The following ABAT variants were observed in gnomAD, a reference collection of about 807,000 sequenced individuals.
The protein encoded by ABAT is 4-aminobutyrate aminotransferase.
A neutral mutation model predicts 64.6 loss-of-function variants in ABAT; 45 were observed. The observed-to-expected ratio is 0.70, with a 90% confidence interval of 0.55 to 0.89. The LOEUF (loss-of-function observed/expected upper bound fraction) is 0.89. Among genes scored for constraint, ABAT ranks in the 40% least tolerant of loss-of-function variants. ABAT has a pLI of 0.00. For synonymous variants in ABAT, 297 were observed against 250.5 expected (o/e 1.19, Z -1.75); for missense variants, 633 against 658.4 (o/e 0.96, Z 0.42).
At chr16:8,681,755 C>T (rs1596396320) in intron 1 of ABAT, among the ~76,000 whole-genome samples, 2 of 151,684 alleles carry the variant, frequency 1.3e-5, no homozygotes, top group Non-Finnish European at 2.9e-5. Flanking sequence ...GATTCTCCTG[C>T]CTCAGCATCC....
chr16:8,742,349 C>T (rs959190205), intron 2 of ABAT, among the ~76,000 whole-genome samples: 1 of 152,172 alleles, frequency 6.6e-6, no homozygotes, highest in African/African-American at 2.4e-5. Flanking sequence ...AATGCAATGT[C>T]AAGACACTTT....
intron 1 of ABAT, among the ~76,000 whole-genome samples, chr16:8,687,769 T>G (rs531353363): frequency 7.9e-5 from 12 of 152,300 alleles, no homozygotes; most frequent in African/African-American, 2.9e-4. Flanking sequence ...GCTCCCTGAG[T>G]GCCCGGGAGC....
chr16:8,715,553 G>A (rs1042144102), intron 1 of ABAT: 5 of 146,960 alleles, frequency 3.4e-5, no homozygotes, highest in African/African-American at 1.3e-4. Context: ...CTGAGCCCAA[G>A]AGTTCGAGGC....
intron 6 of ABAT, among the ~76,000 whole-genome samples, chr16:8,759,929 C>T (rs1457454303): frequency 1.3e-5 from 2 of 152,156 alleles, no homozygotes; most frequent in African/African-American, 4.8e-5. Flanking sequence ...TTCAAAATTA[C>T]GTCTGGGTGA....
At chr16:8,709,781 T>C (rs1359593466) in intron 1 of ABAT, among the ~76,000 whole-genome samples, 8 of 151,786 alleles carry the variant, frequency 5.3e-5, no homozygotes, top group Admixed American at 3.9e-4. Context: ...TAGGGGCTTA[T>C]CAGGGTAGCA....
chr16:8,731,931 G>A (rs573886362), intron 1 of ABAT, among the ~76,000 whole-genome samples: 1 of 152,108 alleles, frequency 6.6e-6, no homozygotes, highest in African/African-American at 2.4e-5. Flanking sequence ...TCAGCTCACT[G>A]TAACCTCTGC....
chr16:8,691,774 T>A (rs1402242431), intron 1 of ABAT, among the ~76,000 whole-genome samples: 1 of 152,130 alleles, frequency 6.6e-6, no homozygotes, highest in African/African-American at 2.4e-5. Context: ...GGAGATGCTT[T>A]TGGTTGTTAC....
At chr16:8,741,532 G>T (rs975792098) in intron 2 of ABAT, among the ~76,000 whole-genome samples, 4 of 152,176 alleles carry the variant, frequency 2.6e-5, no homozygotes, top group African/African-American at 9.7e-5. Context: ...AATGAGATAA[G>T]CCATGTAAAT....
At chr16:8,760,470 CT>C (rs1247236619) in intron 6 of ABAT, 1 of 152,216 alleles carries the variant, frequency 6.6e-6, no homozygotes, top group Non-Finnish European at 1.5e-5. Context: ...ACATTTTCTT[CT>C]GTCTGAATGG....
At chr16:8,730,134 T>C (rs375985046) in intron 1 of ABAT, among the ~76,000 whole-genome samples, 2 of 152,162 alleles carry the variant, frequency 1.3e-5, no homozygotes, top group South Asian at 4.1e-4. Flanking sequence ...TGAAACGAGA[T>C]GGTTCTACAG....
intron 6 of ABAT, among the ~76,000 whole-genome samples, chr16:8,763,201 C>G (rs935513438): frequency 1.8e-4 from 27 of 151,550 alleles, no homozygotes; most frequent in African/African-American, 4.6e-4. Flanking sequence ...GAGTATCTGA[C>G]AGAGAGTGGC....
chr16:8,744,475 C>G lies in ABAT; in HGVS notation c.71-1526C>G, dbSNP rs536969598. Among the ~76,000 whole-genome samples, 163 of 151,970 alleles carry G rather than the reference C, an allele frequency of 1.1e-3. 1 individual carries two copies. The highest frequency in any genetic ancestry group is 3.7e-3 in the African/African-American group (154 of 41,498). On this transcript the variant is annotated intron_variant, in intron 2 of 15. Coordinates refer to ENST00000268251, the MANE Select transcript of ABAT (RefSeq NM_020686.6). Reference sequence around the variant, plus strand: ...CTCTGCCTCCTGGGTTCAAGCGATTCTCATGCCTCAGCCTCCCTAGTAGCT... The same window carrying G: ...CTCTGCCTCCTGGGTTCAAGCGATTGTCATGCCTCAGCCTCCCTAGTAGCT...
In ABAT at chr16:8,768,793, A is replaced by T. The variant is rs760611491; in HGVS notation, c.668-32A>T. The stretch of plus-strand genomic sequence containing the variant: ...ACGGTACTGCCTGCTTCCCCAAGCC[A>T]AGCGTCTGCTTTTCTGTTTTGCTGA... On this transcript the variant is annotated intron_variant, in intron 10 of 15. Transcript: ENST00000268251. 17 of 1,613,766 alleles carry T rather than the reference A, an allele frequency of 1.1e-5. No homozygotes were observed. In the African/African-American group the frequency reaches 2.3e-4, roughly 22 times the overall value.
rs1567317709 is a variant in ABAT at position 8,776,508 on chromosome 16, G to A, written c.1269+18G>A. Reference sequence around the variant, plus strand: ...ACCTCCAGGTAACACCCCCTCCCCTGCCCCGCCCCCACCACCCATGGCTCC... The same window carrying A: ...ACCTCCAGGTAACACCCCCTCCCCTACCCCGCCCCCACCACCCATGGCTCC... On this transcript the variant is annotated intron_variant, in intron 14 of 15. Transcript: ENST00000268251. This position sits in a 1 kb window ranked among gnomAD's most constrained non-coding sequence, Gnocchi z 4.4. 3 of 1,580,278 alleles carry A rather than the reference G, an allele frequency of 1.9e-6. No individual in the cohort carries two copies. Among genetic ancestry groups the A allele is most frequent in the Non-Finnish European group, 2.6e-6 (3 of 1,163,586 alleles).
At chr16:8,754,252 G>C (rs1247793835) in intron 5 of ABAT, among the ~76,000 whole-genome samples, 1 of 147,138 alleles carries the variant, frequency 6.8e-6, no homozygotes, top group Non-Finnish European at 1.5e-5. Context: ...CTATTCGGGA[G>C]GCTGAAGTGG....
chr16:8,739,859 G>A (rs1362406374), intron 2 of ABAT, among the ~76,000 whole-genome samples: 2 of 151,474 alleles, frequency 1.3e-5, no homozygotes, highest in Non-Finnish European at 2.9e-5. Flanking sequence ...GCACATTTAT[G>A]ATTTAGAAAA....
At chr16:8,749,110 G>A (rs555755144) in intron 4 of ABAT, among the ~76,000 whole-genome samples, 63 of 147,386 alleles carry the variant, frequency 4.3e-4, no homozygotes, top group Non-Finnish European at 4.8e-4. Flanking sequence ...TTTTTTAGAC[G>A]GAGTTTTGCT....
intron 6 of ABAT, among the ~76,000 whole-genome samples, chr16:8,762,712 C>T (rs1426569518): frequency 2.0e-5 from 3 of 152,190 alleles, no homozygotes; most frequent in African/African-American, 7.2e-5. Flanking sequence ...GAGCCATTTC[C>T]CTGCTGCTAG....
chr16:8,700,161 G>A (rs2057788170), intron 1 of ABAT, among the ~76,000 whole-genome samples: 6 of 152,122 alleles, frequency 3.9e-5, no homozygotes, highest in Admixed American at 3.3e-4. Flanking sequence ...AACGCACACT[G>A]TGCTGGGTGT....
Sources: allele counts gnomAD v4.1 joint callset (sites outside exome capture counted in the v4.1 genomes callset), GRCh38; gene constraint gnomAD v4.1.1; non-coding constraint Gnocchi (gnomAD v3.1); transcripts MANE v1.5; gene names NCBI Gene and HGNC (gene_info 2026-07-23, HGNC 2026-07-21).